Variants in HTT observed in about 807,000 individuals in gnomAD.
HTT encodes the protein huntington disease protein.
Under a neutral mutation model 362.3 loss-of-function variants are expected in HTT, and 104 were observed. That is an observed-to-expected ratio of 0.29 (90% CI 0.24 to 0.34). The LOEUF is 0.34. Among genes scored for constraint, HTT ranks in the 10% least tolerant of loss-of-function variants. HTT has a pLI of 1.00. For synonymous variants in HTT, 1,577 were observed against 1,548.7 expected, an observed-to-expected ratio of 1.02 and a Z score of -0.43; for missense variants, 3,301 against 3,928.6, an observed-to-expected ratio of 0.84 and a Z score of 4.27.
intron 34 of HTT, among the ~76,000 whole-genome samples, chr4:3,178,011 C>A (rs1718314221): frequency 6.6e-6 from 1 of 152,184 alleles, no homozygotes; most frequent in African/African-American, 2.4e-5. Flanking sequence ...TCAATTTCTT[C>A]AAGAGCAAAG....
intron 1 of HTT, among the ~76,000 whole-genome samples, chr4:3,077,164 C>T (rs993723926): frequency 6.6e-5 from 10 of 151,856 alleles, no homozygotes; most frequent in Admixed American, 2.6e-4. Flanking sequence ...GGTGACAGAG[C>T]GAGACTCTAT....
intron 24 of HTT, among the ~76,000 whole-genome samples, chr4:3,146,372 T>G (rs1716603811): frequency 1.3e-5 from 2 of 152,216 alleles, no homozygotes; most frequent in South Asian, 4.1e-4. Flanking sequence ...ACTAACCACG[T>G]CAGACCTGCC....
chr4:3,228,514 G>C lies in HTT; in HGVS notation c.7849-101G>C. The C allele has an allele frequency of 1.5e-6, 2 of 1,371,072 alleles. No homozygotes were observed. Among genetic ancestry groups the C allele is most frequent in the Non-Finnish European group, 2.0e-6 (2 of 1,014,246 alleles). The allele number at this position is 1,371,072 out of a possible 1,614,324, so 84.9% of individuals were successfully genotyped here. ...AACGACCCTTGCTAAGGGGCAGACT[G>C]TTAGACGGTAGGCATGTGCTGAGTC... On this transcript the variant is annotated intron_variant, in intron 57 of 66. Coordinates refer to ENST00000355072, the MANE Select transcript of HTT (RefSeq NM_001388492.1). The surrounding 1 kb of genome is among the most constrained non-coding windows in gnomAD (Gnocchi z 4.3).
intron 34 of HTT, among the ~76,000 whole-genome samples, 190 bp downstream of exon 34, chr4:3,177,577 G>A (rs1271961145): frequency 6.6e-6 from 1 of 152,212 alleles, no homozygotes; most frequent in Non-Finnish European, 1.5e-5. Context: ...TTGTTTGGAA[G>A]TAGTTATGTA....
intron 45 of HTT, among the ~76,000 whole-genome samples, chr4:3,207,976 G>A (rs1719948307): frequency 6.6e-6 from 1 of 152,124 alleles, no homozygotes; most frequent in Non-Finnish European, 1.5e-5. Context: ...GGGAGAGAGA[G>A]ACAGCAGAGA....
intron 53 of HTT, among the ~76,000 whole-genome samples, chr4:3,222,130 A>G (rs1293996169): frequency 2.0e-5 from 3 of 152,236 alleles, no homozygotes; most frequent in Non-Finnish European, 4.4e-5. Context: ...CCAGGCTGCC[A>G]GGGCCGACTT....
chr4:3,126,349 C>T (rs564010673), intron 11 of HTT, among the ~76,000 whole-genome samples: 68 of 152,216 alleles, frequency 4.5e-4, no homozygotes, highest in African/African-American at 1.3e-3. Flanking sequence ...CCACTGTGCC[C>T]GGCCAGTTAC....
At chr4:3,179,988 T>C (rs566691316) in intron 35 of HTT, among the ~76,000 whole-genome samples, 1 of 152,354 alleles carries the variant, frequency 6.6e-6, no homozygotes, top group Admixed American at 6.5e-5. Context: ...TATGTGGTCA[T>C]AGTAGACCAG....
At position 3,199,905 on chromosome 4, in the gene HTT, T is replaced by C; in HGVS notation, c.5542T>C (p.Tyr1848His). ...ACTGCTGCTTGTCAACCACACCGACTACCGCTGGTGGGCAGAAGTGCAGCA... is the reference window on the plus strand; with the variant it reads ...ACTGCTGCTTGTCAACCACACCGACCACCGCTGGTGGGCAGAAGTGCAGCA... ...QILLLVNHTDYRWWAEVQQTP... is the reference protein window; with the variant it reads ...QILLLVNHTDHRWWAEVQQTP... Residue 1848 changes from tyrosine (Y) to histidine (H), a missense_variant, in exon 41 of 67, where the codon TAC becomes CAC. Tyr to His is a moderately conservative substitution (Grantham distance 83, BLOSUM62 2). This residue lies in a region of HTT where 2,316 missense variants were observed against 2,658.5 expected (regional missense o/e 0.87). Coordinates refer to ENST00000355072, the MANE Select transcript of HTT (RefSeq NM_001388492.1). 1 of 1,614,120 alleles carries C rather than the reference T, an allele frequency of 6.2e-7. No individual in the cohort carries two copies. The highest frequency in any genetic ancestry group is 8.5e-7 in the Non-Finnish European group (1 of 1,179,980).
intron 12 of HTT, among the ~76,000 whole-genome samples, chr4:3,127,938 C>T (rs958539812): frequency 1.3e-5 from 2 of 151,468 alleles, no homozygotes; most frequent in Non-Finnish European, 2.9e-5. Context: ...CACTCCAGCC[C>T]GGGCAACAGA....
intron 55 of HTT, 22 bp from the exon 56 acceptor site, chr4:3,223,968 CTT>C (rs770071736): frequency 1.1e-5 from 18 of 1,613,188 alleles, no homozygotes; most frequent in South Asian, 1.1e-4. Context: ...ACAAAACACT[CTT>C]TACCTTTTTT....
intron 29 of HTT, among the ~76,000 whole-genome samples, chr4:3,161,777 T>C (rs943900530): frequency 6.6e-6 from 1 of 152,214 alleles, no homozygotes; most frequent in East Asian, 1.9e-4. Context: ...TTGTTTGCTT[T>C]TTTTTCGTAA....
At chr4:3,125,652 T>C in intron 11 of HTT, 23 bp downstream of exon 11, 1 of 1,543,880 alleles carries the variant, frequency 6.5e-7, no homozygotes, top group Non-Finnish European at 9.0e-7. Context: ...AGTTAGCCGC[T>C]GGTGTGGACC....
chr4:3,099,319 T>G lies in HTT; in HGVS notation c.393T>G (p.Leu131=), dbSNP rs763101668. 1.2e-6 allele frequency: 2 copies of G among 1,614,062 alleles called. No individual in the cohort carries two copies. The highest frequency in any genetic ancestry group is 2.2e-5 in the East Asian group (1 of 44,894). ...FQKLLGIAME[L]FLLCSDDAES... is the part of the protein sequence containing the mutation. ...AACTTCTGGGCATCGCTATGGAACT[T>G]TTTCTGCTGTGCAGTGATGACGCAG... Residue 131 remains leucine (L), a synonymous_variant, in exon 3 of 67, where the codon CTT becomes CTG. Transcript: ENST00000355072.
chr4:3,074,960 G>GCCGCCGCCTCCT lies in HTT; in HGVS notation c.137_148dup (p.Pro46_Pro49dup). On this transcript the variant is annotated inframe_insertion, in exon 1 of 67. Transcript: ENST00000355072. ...AACAGCCGCCACCGCCGCCGCCGCC[G>GCCGCCGCCTCCT]CCGCCGCCTCCTCAGCTTCCTCAGC... 6.7e-7 allele frequency: 1 copy of GCCGCCGCCTCCT among 1,492,812 alleles called. No individual in the cohort carries two copies. Among genetic ancestry groups the GCCGCCGCCTCCT allele is most frequent in the Non-Finnish European group, 8.9e-7 (1 of 1,125,440 alleles). The allele number at this position is 1,492,812 out of a possible 1,614,324, so 92.5% of individuals were successfully genotyped here.
chr4:3,135,992 G>A, intron 20 of HTT, 25 bp downstream of exon 20: 1 of 1,529,444 alleles, frequency 6.5e-7, no homozygotes, highest in East Asian at 2.3e-5. Flanking sequence ...TTTGTGAGAT[G>A]CTGTTTTACC....
intron 8 of HTT, among the ~76,000 whole-genome samples, chr4:3,120,473 C>T (rs1476118635): frequency 6.6e-6 from 1 of 152,234 alleles, no homozygotes; most frequent in Non-Finnish European, 1.5e-5. Context: ...CCCCAACCCC[C>T]AGGCTGCAGA....
intron 28 of HTT, among the ~76,000 whole-genome samples, chr4:3,159,643 T>A (rs908779175): frequency 6.6e-6 from 1 of 152,218 alleles, no homozygotes; most frequent in African/African-American, 2.4e-5. Context: ...TTCACAAGGG[T>A]TCTTAGATTT....
At chr4:3,178,203 CTG>C (rs1213306371) in intron 34 of HTT, 93 bp from the exon 35 acceptor site, 2 of 945,190 alleles carry the variant, frequency 2.1e-6, no homozygotes, top group African/African-American at 1.6e-5. Flanking sequence ...TGTGTGCTTG[CTG>C]TCAAGGTTGA....
Sources: allele counts gnomAD v4.1 joint callset (sites outside exome capture counted in the v4.1 genomes callset), GRCh38; gene constraint gnomAD v4.1.1; regional missense constraint gnomAD v4.1.1; non-coding constraint Gnocchi (gnomAD v3.1); transcripts MANE v1.5; gene names NCBI Gene and HGNC (gene_info 2026-07-23, HGNC 2026-07-21).